The following PARP16 variants were observed in gnomAD, a reference collection of about 807,000 sequenced individuals.
The protein encoded by PARP16 is protein mono-ADP-ribosyltransferase PARP16.
In PARP16, 31 loss-of-function variants were observed where a neutral mutation model predicts 35.0. The observed-to-expected ratio is 0.88, with a 90% CI of 0.66 to 1.19. The LOEUF (loss-of-function observed/expected upper bound fraction) is 1.19. PARP16 is among the 50% of genes most tolerant of loss of function. The pLI is 0.00. For synonymous variants in PARP16, 162 were observed against 169.5 expected (o/e 0.96, Z 0.34); for missense variants, 424 against 411.2 (o/e 1.03, Z -0.27).
At chr15:65,270,151 T>G (rs1183762601) in intron 2 of PARP16, among the ~76,000 whole-genome samples, 2 of 152,178 alleles carry the variant, frequency 1.3e-5, no homozygotes, top group African/African-American at 4.8e-5. Flanking sequence ...ATGAATTAAG[T>G]GATGAACAGT....
chr15:65,259,359 A>G lies in PARP16; in HGVS notation c.*48T>C. ...AGGCATAGGAGGTACAGAACAAGTT[A>G]CCATAAGGCACATAGTTGAGGTAGC... On this transcript the variant is annotated 3_prime_UTR_variant, in exon 6 of 6. Coordinates refer to ENST00000649807, the MANE Select transcript of PARP16 (RefSeq NM_001316943.2). 1 of 1,603,234 alleles carries G rather than the reference A, an allele frequency of 6.2e-7. No individual in the cohort carries two copies. Among genetic ancestry groups the G allele is most frequent in the Non-Finnish European group, 8.5e-7 (1 of 1,170,818 alleles).
At chr15:65,284,412 G>A (rs981249813) in intron 1 of PARP16, among the ~76,000 whole-genome samples, 4 of 139,608 alleles carry the variant, frequency 2.9e-5, no homozygotes, top group African/African-American at 1.1e-4. Context: ...GGGCGATCTC[G>A]GCTCACTGCT....
At chr15:65,250,106 C>CTTTTTT (rs1567013240) in intron 2 of PARP16, among the ~76,000 whole-genome samples, 4 of 104,194 alleles carry the variant, frequency 3.8e-5, no homozygotes, top group African/African-American at 3.8e-5. Flanking sequence ...CACCTGCTTG[C>CTTTTTT]CTTTTTTTTT....
At chr15:65,275,530 A>G (rs1468555677) in intron 1 of PARP16, among the ~76,000 whole-genome samples, 1 of 152,202 alleles carries the variant, frequency 6.6e-6, no homozygotes, top group Non-Finnish European at 1.5e-5. Context: ...TAAGTACTCT[A>G]ATGTTAGTGT....
rs1056207683 is a variant in PARP16 at position 65,269,204 on chromosome 15, C to CTTTCTTTCTTTCTTTCT, written c.312+1730_312+1731insAGAAAGAAAGAAAGAAA. Among the ~76,000 whole-genome samples, 110 of 103,524 alleles carry CTTTCTTTCTTTCTTTCT rather than the reference C, an allele frequency of 1.1e-3. 2 individuals are homozygous for CTTTCTTTCTTTCTTTCT. The East Asian group carries it at 0.023, about 22-fold the overall frequency. 67.9% of individuals were successfully genotyped at this position (103,524 alleles called of 152,430 possible). The stretch of plus-strand genomic sequence containing the variant: ...TCTTTCTTTCTTTCTTTCTTTCTTT[C>CTTTCTTTCTTTCTTTCT]TTTTTTTTTTGAGATACAGTCTTGC... On this transcript the variant is annotated intron_variant, in intron 2 of 5. Transcript: ENST00000649807.
intron 1 of PARP16, among the ~76,000 whole-genome samples, chr15:65,279,138 T>C (rs2090346478): frequency 6.6e-6 from 1 of 152,192 alleles, no homozygotes; most frequent in Admixed American, 6.5e-5. Context: ...TTAAAAGTCC[T>C]AGTGCCTGGG....
chr15:65,265,783 G>A (rs781626660), intron 3 of PARP16, among the ~76,000 whole-genome samples: 13 of 152,212 alleles, frequency 8.5e-5, no homozygotes, highest in Non-Finnish European at 1.9e-4. Flanking sequence ...CTGGTCCAGG[G>A]AACGCACAGT....
rs1037281411 is a variant in PARP16 at position 65,244,541 on chromosome 15, C to T, written c.*97+3576G>A. Among the ~76,000 whole-genome samples the T allele has an allele frequency of 4.6e-5, 7 of 152,212 alleles. 1 individual carries two copies. The highest frequency in any genetic ancestry group is 4.1e-4 in the South Asian group (2 of 4,820). On this transcript the variant is annotated intron_variant and NMD_transcript_variant, in intron 3 of 3. Coordinates refer to the PARP16 transcript ENST00000559805. ...TCATGAGAGCAGCACGGGAAAGACC[C>T]GCCCCCATGACTCAATGATCTCCCA...
intron 3 of PARP16, among the ~76,000 whole-genome samples, chr15:65,239,004 G>A (rs543771712): frequency 6.6e-6 from 1 of 152,250 alleles, no homozygotes; most frequent in African/African-American, 2.4e-5. Flanking sequence ...GATGGCATGT[G>A]CCTGTAGTCC....
intron 4 of PARP16, 111 bp from the exon 5 acceptor site, chr15:65,261,137 C>G: frequency 1.0e-6 from 1 of 984,108 alleles, no homozygotes; most frequent in Non-Finnish European, 1.5e-6. Flanking sequence ...GAAGGCCTGG[C>G]AGGCTGAGGA....
At chr15:65,268,979 T>C (rs1333636613) in intron 2 of PARP16, among the ~76,000 whole-genome samples, 3 of 152,056 alleles carry the variant, frequency 2.0e-5, no homozygotes, top group Non-Finnish European at 4.4e-5. Flanking sequence ...GGTCTTGAAC[T>C]CCTGGCCTCA....
chr15:65,264,676 C>A (rs1205152673), intron 3 of PARP16, among the ~76,000 whole-genome samples: 1 of 152,216 alleles, frequency 6.6e-6, no homozygotes, highest in Non-Finnish European at 1.5e-5. Flanking sequence ...CTTATGCCAT[C>A]ATGTGTTCAC....
intron 1 of PARP16, among the ~76,000 whole-genome samples, chr15:65,280,024 T>C (rs1174522613): frequency 6.6e-6 from 1 of 151,854 alleles, no homozygotes; most frequent in African/African-American, 2.4e-5. Flanking sequence ...CTAGGCAACA[T>C]AGCGAGACTC....
At chr15:65,245,755 C>G (rs1363214019) in intron 3 of PARP16, among the ~76,000 whole-genome samples, 1 of 152,180 alleles carries the variant, frequency 6.6e-6, no homozygotes, top group Non-Finnish European at 1.5e-5. Context: ...CAGAGGCGGC[C>G]TGTTTACTTA....
chr15:65,263,309 G>C lies in PARP16; in HGVS notation c.531C>G (p.Phe177Leu), dbSNP rs200654964. The change falls in exon 4 of 6, where the codon TTC becomes TTG. Residue 177 changes from phenylalanine to leucine, a missense_variant. Phe to Leu is a conservative substitution (Grantham distance 22, BLOSUM62 0). Transcript: ENST00000649807. ...CACTGGTGAGGTAGGTCCCCTCTCC[G>C]AACAAGGATGTCTGCAACAGCAAGG... ...LHCHLNKTSL[F>L]GEGTYLTSDL... is the part of the protein sequence containing the mutation. The C allele has an allele frequency of 1.3e-6, 2 of 1,585,508 alleles. No individual in the cohort carries two copies. Among genetic ancestry groups the C allele is most frequent in the Non-Finnish European group, 1.7e-6 (2 of 1,165,312 alleles).
chr15:65,283,879 T>G (rs903683248), intron 1 of PARP16, among the ~76,000 whole-genome samples: 1 of 152,238 alleles, frequency 6.6e-6, no homozygotes, highest in Non-Finnish European at 1.5e-5. Context: ...ATTGAGTATC[T>G]GAACCTGCAA....
intron 1 of PARP16, among the ~76,000 whole-genome samples, chr15:65,279,665 A>G (rs2090359449): frequency 6.6e-6 from 1 of 152,256 alleles, no homozygotes; most frequent in Non-Finnish European, 1.5e-5. Flanking sequence ...GATATCAAGT[A>G]TAGACCTAAT....
At chr15:65,274,432 C>T (rs1439508596) in intron 1 of PARP16, among the ~76,000 whole-genome samples, 2 of 151,928 alleles carry the variant, frequency 1.3e-5, no homozygotes, top group Non-Finnish European at 2.9e-5. Context: ...AAAAAATTAT[C>T]CAGGCGTGGT....
intron 3 of PARP16, among the ~76,000 whole-genome samples, chr15:65,246,761 T>G (rs745552958): frequency 1.3e-5 from 2 of 152,132 alleles, no homozygotes; most frequent in African/African-American, 4.8e-5. Context: ...CAGATCTCAG[T>G]TGGCAACTTC....
Sources: gnomAD v4.1 joint callset for allele counts (sites outside exome capture counted in the v4.1 genomes callset) on GRCh38, gnomAD v4.1.1 for gene constraint, MANE v1.5 for transcripts, NCBI Gene and HGNC (gene_info 2026-07-23, HGNC 2026-07-21) for gene names.